The following SLC8A3 variants were observed in gnomAD, a reference collection of about 807,000 sequenced individuals.
SLC8A3 encodes the protein solute carrier family 8 member A3.
Under a neutral mutation model 65.4 loss-of-function variants are expected in SLC8A3, and 37 were observed. The ratio of observed to expected loss-of-function variants is 0.57; its 90% CI spans 0.44 to 0.74. The LOEUF (loss-of-function observed/expected upper bound fraction) is 0.74. SLC8A3 is among the 30% of genes least tolerant of loss of function. The probability of loss-of-function intolerance (pLI) is 0.00; values close to 1 mark genes in which losing one functional copy is unlikely to be tolerated. For synonymous variants in SLC8A3, 461 were observed against 444.5 expected, an observed-to-expected ratio of 1.04 and a Z score of -0.47; for missense variants, 1,112 against 1,172.1, an observed-to-expected ratio of 0.95 and a Z score of 0.75.
At chr14:70,130,528 G>C (rs374215770) in intron 2 of SLC8A3, among the ~76,000 whole-genome samples, 10 of 152,316 alleles carry the variant, frequency 6.6e-5, no homozygotes, top group Admixed American at 3.9e-4. Flanking sequence ...CTCTGCAAGG[G>C]GGATACCAAT....
In SLC8A3 at chr14:70,046,244, G is replaced by A. The variant is rs112896508; in HGVS notation, c.2469C>T (p.Ala823=). ...GGCCGATGCCCAGGAAGACATTGAC[G>A]GCGTTGCTGCCCGTCACGTTGCCAA... ...ASIGNVTGSN[A]VNVFLGIGLA... Residue 823 remains alanine, a synonymous_variant, in exon 7 of 7, where the codon GCC becomes GCT. Transcript: ENST00000356921. This position sits in a 1 kb window ranked among gnomAD's most constrained non-coding sequence, Gnocchi z 4.2. 7.4e-5 allele frequency: 119 copies of A among 1,614,210 alleles called. No homozygotes were observed. In the African/African-American group the frequency reaches 1.1e-3, roughly 15 times the overall value.
At chr14:70,147,717 C>T (rs1310123824) in intron 2 of SLC8A3, among the ~76,000 whole-genome samples, 1 of 152,204 alleles carries the variant, frequency 6.6e-6, no homozygotes, top group Non-Finnish European at 1.5e-5. Flanking sequence ...TTGCCAACAA[C>T]CACCTGACCT....
At chr14:70,127,403 G>A (rs74061063) in intron 2 of SLC8A3, among the ~76,000 whole-genome samples, 5 of 152,090 alleles carry the variant, frequency 3.3e-5, no homozygotes. Context: ...GCATCTTAGC[G>A]CTTTATTGAC....
chr14:70,165,213 C>A (rs1211331067), intron 2 of SLC8A3, among the ~76,000 whole-genome samples: 3 of 152,170 alleles, frequency 2.0e-5, no homozygotes, highest in African/African-American at 4.8e-5. Context: ...AAATGACCTG[C>A]CCCAAGTCAC....
chr14:70,086,349 A>G (rs1249809811), intron 2 of SLC8A3, among the ~76,000 whole-genome samples: 1 of 151,498 alleles, frequency 6.6e-6, no homozygotes, highest in African/African-American at 2.4e-5. Flanking sequence ...TTTGTTTAAA[A>G]AACAATTTTT....
At chr14:70,096,038 C>T (rs895348384) in intron 2 of SLC8A3, among the ~76,000 whole-genome samples, 6 of 152,044 alleles carry the variant, frequency 3.9e-5, no homozygotes, top group African/African-American at 7.2e-5. Context: ...TGTGCCACCA[C>T]GCCCAGCTAA....
intron 2 of SLC8A3, among the ~76,000 whole-genome samples, chr14:70,123,557 C>G (rs1172408406): frequency 1.3e-5 from 2 of 151,152 alleles, no homozygotes; most frequent in African/African-American, 4.9e-5. Context: ...TCAAGCAATT[C>G]TCCGGCCTCA....
chr14:70,186,824 A>C (rs1048265972), intron 1 of SLC8A3, among the ~76,000 whole-genome samples: 2 of 152,186 alleles, frequency 1.3e-5, no homozygotes, highest in African/African-American at 4.8e-5. Context: ...TGACGCCAGC[A>C]AAAAGAAGCC....
intron 2 of SLC8A3, among the ~76,000 whole-genome samples, chr14:70,063,541 A>G (rs1355875272): frequency 2.0e-5 from 3 of 152,030 alleles, no homozygotes; most frequent in Non-Finnish European, 2.9e-5. Context: ...CTTTCCCCAT[A>G]CTCATTTCCT....
In SLC8A3 at chr14:70,090,223, G is replaced by A. The variant is rs111301115; in HGVS notation, c.1785-29284C>T. Reference sequence around the variant, plus strand: ...ATTGGCTGACCATTGATTTATGCATGTTTTACCAGAAATATTCTTGCTTGA... The same window carrying A: ...ATTGGCTGACCATTGATTTATGCATATTTTACCAGAAATATTCTTGCTTGA... On this transcript the variant is annotated intron_variant, in intron 2 of 6. Coordinates refer to ENST00000356921, the MANE Select transcript of SLC8A3 (RefSeq NM_182932.3). Among the ~76,000 whole-genome samples, 1,327 of 152,254 alleles carry A rather than the reference G, an allele frequency of 8.7e-3. 17 individuals carry two copies. The highest frequency in any genetic ancestry group is 0.031 in the African/African-American group (1,296 of 41,536).
At chr14:70,161,950 A>G (rs1176996171) in intron 2 of SLC8A3, among the ~76,000 whole-genome samples, 1 of 152,368 alleles carries the variant, frequency 6.6e-6, no homozygotes, top group East Asian at 1.9e-4. Flanking sequence ...CCTAGCCTGA[A>G]GTTCACCAGC....
intron 2 of SLC8A3, among the ~76,000 whole-genome samples, chr14:70,128,762 G>C (rs1423574796): frequency 6.6e-6 from 1 of 152,140 alleles, no homozygotes; most frequent in South Asian, 2.1e-4. Context: ...CTTCTTTCCT[G>C]CCTTTGTTCT....
chr14:70,076,872 G>A (rs900995811), intron 2 of SLC8A3, among the ~76,000 whole-genome samples: 2 of 152,202 alleles, frequency 1.3e-5, no homozygotes, highest in African/African-American at 2.4e-5. Flanking sequence ...CTGATTAAGA[G>A]CCTGGGCCTT....
chr14:70,085,794 A>C (rs912612327), intron 2 of SLC8A3, among the ~76,000 whole-genome samples: 4 of 152,214 alleles, frequency 2.6e-5, no homozygotes, highest in Non-Finnish European at 4.4e-5. Context: ...CTTACATGTC[A>C]TTTAATATGC....
chr14:70,101,351 TAAAG>T (rs1009975876), intron 2 of SLC8A3, among the ~76,000 whole-genome samples: 10 of 151,960 alleles, frequency 6.6e-5, no homozygotes, highest in African/African-American at 1.7e-4. Flanking sequence ...TAACAGTGGA[TAAAG>T]AAAGAGAATG....
At chr14:70,140,556 AC>A (rs1419681566) in intron 2 of SLC8A3, among the ~76,000 whole-genome samples, 1 of 152,126 alleles carries the variant, frequency 6.6e-6, no homozygotes, top group Non-Finnish European at 1.5e-5. Context: ...TCCACCTCAC[AC>A]CTTGGGATTC....
At chr14:70,178,319 T>G (rs1882414639) in intron 1 of SLC8A3, among the ~76,000 whole-genome samples, 2 of 152,214 alleles carry the variant, frequency 1.3e-5, no homozygotes, top group African/African-American at 4.8e-5. Flanking sequence ...TAGACCAGAC[T>G]GTGATAAGCT....
chr14:70,069,925 C>T (rs1889853493), intron 2 of SLC8A3, among the ~76,000 whole-genome samples: 2 of 152,142 alleles, frequency 1.3e-5, no homozygotes, highest in African/African-American at 4.8e-5. Flanking sequence ...TTTAACAAGG[C>T]CCCAGCGTGT....
At chr14:70,066,354 G>T (rs1357563574) in intron 2 of SLC8A3, among the ~76,000 whole-genome samples, 1 of 152,164 alleles carries the variant, frequency 6.6e-6, no homozygotes. Context: ...TTCCAAACTT[G>T]TTCTTTCCCA....
Sources: allele counts gnomAD v4.1 joint callset (sites outside exome capture counted in the v4.1 genomes callset), GRCh38; gene constraint gnomAD v4.1.1; non-coding constraint Gnocchi (gnomAD v3.1); transcripts MANE v1.5; gene names NCBI Gene and HGNC (gene_info 2026-07-23, HGNC 2026-07-21).